The following PLCXD1 variants were observed in gnomAD, a reference collection of about 807,000 sequenced individuals.
PLCXD1 encodes the protein PI-PLC X domain-containing protein 1.
In PLCXD1, 45 loss-of-function variants were observed where a neutral mutation model predicts 37.8. The ratio of observed to expected loss-of-function variants is 1.19; its 90% CI spans 0.94 to 1.53. The LOEUF is 1.53. PLCXD1 is among the 40% of genes most tolerant of loss of function. PLCXD1 has a pLI of 0.00. For synonymous variants in PLCXD1, 246 were observed against 206.9 expected (o/e 1.19, Z -1.62); for missense variants, 539 against 454.7 (o/e 1.19, Z -1.69).
intron 6 of PLCXD1, among the ~76,000 whole-genome samples, chrX:293,931 G>A (rs1160047440): frequency 6.6e-6 from 1 of 152,208 alleles, no homozygotes; most frequent in Non-Finnish European, 1.5e-5. Context: ...CGATGAGAAT[G>A]TTCTGGAACT....
chrX:298,785 T>C (rs1199322885), intron 6 of PLCXD1, among the ~76,000 whole-genome samples: 50 of 104,788 alleles, frequency 4.8e-4, no homozygotes, highest in African/African-American at 1.6e-3. Context: ...GGGACATTAT[T>C]CTGTCTATCA....
At chrX:285,306 G>GCATGCACATGTGCGGGTGTGTACA (rs1219883345) in intron 2 of PLCXD1, among the ~76,000 whole-genome samples, 1 of 152,124 alleles carries the variant, frequency 6.6e-6, no homozygotes, top group East Asian at 1.9e-4. Context: ...ACATACACAT[G>GCATGCACATGTGCGGGTGTGTACA]CATGCACATG....
At chrX:299,042 A>T in intron 6 of PLCXD1, 55 bp from the exon 7 acceptor site, 1 of 1,312,396 alleles carries the variant, frequency 7.6e-7, no homozygotes, top group Admixed American at 1.7e-5. Context: ...AGGAGGGAGA[A>T]ACAGGCGGGT....
chrX:287,602 A>T (rs1226664313), intron 2 of PLCXD1, among the ~76,000 whole-genome samples: 8 of 57,156 alleles, frequency 1.4e-4, no homozygotes, highest in South Asian at 8.5e-4. Context: ...ATATGTTTAT[A>T]TATAGATATA....
intron 1 of PLCXD1, chrX:283,446 C>A (rs1473362669): frequency 6.6e-6 from 1 of 152,180 alleles, no homozygotes; most frequent in Non-Finnish European, 1.5e-5. Context: ...ACGTAGCCCG[C>A]GAAAAACCTG....
chrX:276,671 A>G (rs1481316033), upstream of PLCXD1, among the ~76,000 whole-genome samples: 1 of 152,128 alleles, frequency 6.6e-6, no homozygotes, highest in African/African-American at 2.4e-5. Flanking sequence ...GCCAGTGTGG[A>G]AACAGCCCAG....
chrX:291,782 G>GAGAGCA, intron 5 of PLCXD1, 128 bp downstream of exon 5: 1 of 1,043,206 alleles, frequency 9.6e-7, no homozygotes, highest in Non-Finnish European at 1.5e-6. Flanking sequence ...CGTCGAACGG[G>GAGAGCA]GGCTGCCTGC....
At position 301,656 on chromosome X, in the gene PLCXD1, C is replaced by T. The variant is rs2070019969; in HGVS notation, c.*2321C>T. ...GAGTATTATGTTTGAGATGGAGTCT[C>T]GCTCTGTCGCCCAGGCTGGAGTGCA... On this transcript the variant is annotated 3_prime_UTR_variant, in exon 7 of 7. Transcript: ENST00000381657. 2 of 152,250 alleles carry T rather than the reference C, an allele frequency of 1.3e-5. No individual in the cohort carries two copies. The highest frequency in any genetic ancestry group is 2.4e-5 in the African/African-American group (1 of 41,402). 9.4% of individuals were successfully genotyped at this position (152,250 alleles called of 1,614,324 possible).
rs2069980660 is a variant in PLCXD1, at chrX:300,554, G to GTGTA, written c.*1219_*1220insTGTA. 1 of 148,842 alleles carries GTGTA rather than the reference G, an allele frequency of 6.7e-6. No individual in the cohort carries two copies. The highest frequency in any genetic ancestry group is 1.5e-5 in the Non-Finnish European group (1 of 67,950). 9.2% of individuals were successfully genotyped at this position (148,842 alleles called of 1,614,324 possible). A position where few individuals can be genotyped will look rare whatever the true frequency, so the allele number is the denominator to read the frequency against. ...TGTATGCATACATGTATATGTGTATGCATGTATATGTGTATGTGTACATGT... is the reference window on the plus strand; with the variant it reads ...TGTATGCATACATGTATATGTGTATGTGTACATGTATATGTGTATGTGTACATGT... On this transcript the variant is annotated 3_prime_UTR_variant, in exon 7 of 7. Coordinates refer to ENST00000381657, the MANE Select transcript of PLCXD1 (RefSeq NM_018390.4).
At chrX:284,384 G>A (rs1602844538) in intron 2 of PLCXD1, 70 bp downstream of exon 2, 11 of 1,571,016 alleles carry the variant, frequency 7.0e-6, no homozygotes, top group Non-Finnish European at 7.9e-6. Flanking sequence ...GGGAGCTGTG[G>A]CGTCTGCATT....
intron 2 of PLCXD1, among the ~76,000 whole-genome samples, chrX:286,688 C>G (rs1365745828): frequency 6.6e-6 from 1 of 152,118 alleles, no homozygotes; most frequent in African/African-American, 2.4e-5. Flanking sequence ...TTTTGTAACG[C>G]TTTTTCATAC....
chrX:296,336 G>A (rs772984620), intron 6 of PLCXD1, among the ~76,000 whole-genome samples: 1 of 151,552 alleles, frequency 6.6e-6, no homozygotes, highest in African/African-American at 2.4e-5. Flanking sequence ...TGTTGGTCAG[G>A]CTGGTCTTGA....
At chrX:291,885 C>T (rs1394437188) in intron 5 of PLCXD1, among the ~76,000 whole-genome samples, 3 of 152,244 alleles carry the variant, frequency 2.0e-5, no homozygotes, top group Non-Finnish European at 4.4e-5. Context: ...TGTGCAGCGT[C>T]AGCCGGGCGC....
At chrX:284,066 T>G in intron 1 of PLCXD1, 101 bp from the exon 2 acceptor site, 2 of 910,730 alleles carry the variant, frequency 2.2e-6, no homozygotes, top group East Asian at 2.4e-5. Context: ...AATTTTTGTA[T>G]TTTTAGTAGA....
At chrX:291,433 G>T in intron 4 of PLCXD1, 66 bp from the exon 5 acceptor site, 1 of 1,574,660 alleles carries the variant, frequency 6.4e-7, no homozygotes, top group Non-Finnish European at 8.7e-7. Context: ...GGCGTGAGCC[G>T]CCACACCCCG....
Position 291,414 on chromosome X carries a change from G to A in PLCXD1, c.394-85G>A. The A allele has an allele frequency of 2.6e-6, 4 of 1,509,808 alleles. No individual in the cohort carries two copies. The South Asian group carries it at 3.4e-5, about 13-fold the overall frequency. The allele number at this position is 1,509,808 out of a possible 1,614,324, so 93.5% of individuals were successfully genotyped here. On this transcript the variant is annotated intron_variant, in intron 4 of 6. Transcript: ENST00000381657. ...ACCCGCCTCGGCCTCCCAAATTGCT[G>A]GGATGACAGGCGTGAGCCGCCACAC...
chrX:283,671 C>CGA (rs2069352572), intron 1 of PLCXD1: 1 of 135,892 alleles, frequency 7.4e-6, no homozygotes. Flanking sequence ...CGGGTGGGGG[C>CGA]GGCCTTGGTG....
upstream of PLCXD1, among the ~76,000 whole-genome samples, chrX:277,338 TTGGGGAACGTGGGGA>T (rs1569564304): frequency 3.4e-4 from 9 of 26,458 alleles, no homozygotes; most frequent in Admixed American, 9.1e-4. Flanking sequence ...AGGGGAGGGG[TTGGGGAACGTGGGGA>T]CAGGTGTGGG....
chrX:284,565 CACAT>C (rs1311455761), intron 2 of PLCXD1, among the ~76,000 whole-genome samples: 2 of 147,728 alleles, frequency 1.4e-5, no homozygotes, highest in African/African-American at 2.5e-5. Context: ...CACATGTGCA[CACAT>C]ACACAGGCAT....
Sources: allele counts gnomAD v4.1 joint callset (sites outside exome capture counted in the v4.1 genomes callset), GRCh38; gene constraint gnomAD v4.1.1; transcripts MANE v1.5; gene names NCBI Gene and HGNC (gene_info 2026-07-23, HGNC 2026-07-21).